The following SOX6 variants were observed in gnomAD, a reference collection of about 807,000 sequenced individuals.
SOX6 encodes SRY-box transcription factor 6.
SOX6 carries 11 observed loss-of-function variants against 97.8 expected under a neutral mutation model. That is an observed-to-expected ratio of 0.11 (90% CI 0.07 to 0.19). The LOEUF is 0.19. Ranked by LOEUF, SOX6 falls within the 10% of genes least tolerant of loss-of-function variation. SOX6 has a pLI of 1.00. For missense variants in SOX6, 810 were observed against 1,039.5 expected (o/e 0.78, Z 3.04); for synonymous variants, 360 against 371.4 (o/e 0.97, Z 0.35).
chr11:16,459,999 A>G (rs1423913436), intron 1 of SOX6, among the ~76,000 whole-genome samples: 1 of 152,018 alleles, frequency 6.6e-6, no homozygotes, highest in Non-Finnish European at 1.5e-5. Context: ...ACATTAAGAA[A>G]ACTACACCAA....
At chr11:16,257,292 C>A (rs188281988) in intron 3 of SOX6, among the ~76,000 whole-genome samples, 3 of 151,906 alleles carry the variant, frequency 2.0e-5, no homozygotes, top group East Asian at 3.9e-4. Context: ...AAAACTGACA[C>A]TATCCAACTT....
chr11:16,078,421 A>C (rs1398241492), intron 9 of SOX6, among the ~76,000 whole-genome samples: 1 of 152,226 alleles, frequency 6.6e-6, no homozygotes. Context: ...CAATGTGTAC[A>C]TATATTTTAG....
chr11:16,367,175 T>C (rs1319532718), intron 1 of SOX6, among the ~76,000 whole-genome samples: 1 of 152,160 alleles, frequency 6.6e-6, no homozygotes, highest in Non-Finnish European at 1.5e-5. Context: ...TCTATGTATG[T>C]TCTAATTTTG....
chr11:16,484,183 G>T (rs1210935308), intron 4 of SOX6: 4 of 792,566 alleles, frequency 5.0e-6, no homozygotes, highest in Admixed American at 3.4e-5. Context: ...CCTGGAAATG[G>T]TTGAAGTTGG....
At chr11:16,441,383 A>G (rs1180467375) in intron 1 of SOX6, among the ~76,000 whole-genome samples, 1 of 152,194 alleles carries the variant, frequency 6.6e-6, no homozygotes, top group Non-Finnish European at 1.5e-5. Context: ...CCAGACTAGA[A>G]GCAAGTATAT....
At chr11:16,066,789 A>G (rs765033093) in intron 9 of SOX6, among the ~76,000 whole-genome samples, 2 of 152,230 alleles carry the variant, frequency 1.3e-5, no homozygotes, top group Non-Finnish European at 2.9e-5. Flanking sequence ...AGGATGGTTC[A>G]TAGGTACAGA....
chr11:16,565,021 T>C (rs1008505397), intron 4 of SOX6, among the ~76,000 whole-genome samples: 1 of 151,906 alleles, frequency 6.6e-6, no homozygotes, highest in African/African-American at 2.4e-5. Flanking sequence ...AACAAAAAAT[T>C]GGTTCTTTGA....
At chr11:16,666,745 G>T (rs991762722) in intron 3 of SOX6, among the ~76,000 whole-genome samples, 1 of 151,968 alleles carries the variant, frequency 6.6e-6, no homozygotes, top group South Asian at 2.1e-4. Flanking sequence ...GCAGTGAACC[G>T]AGATCGTGCC....
intron 4 of SOX6, among the ~76,000 whole-genome samples, chr11:16,222,968 A>C (rs944811023): frequency 2.6e-5 from 4 of 152,148 alleles, no homozygotes; most frequent in Non-Finnish European, 4.4e-5. Context: ...AAAGTCCTAC[A>C]GTACGAATTA....
intron 8 of SOX6, 30 bp downstream of exon 8, chr11:16,097,579 T>C (rs1342181603): frequency 1.3e-6 from 2 of 1,598,084 alleles, no homozygotes; most frequent in Non-Finnish European, 1.7e-6. Flanking sequence ...TACTGGCTCA[T>C]ATCCCACATT....
chr11:16,024,920 A>C (rs1375384417), intron 12 of SOX6, among the ~76,000 whole-genome samples: 3 of 152,114 alleles, frequency 2.0e-5, no homozygotes, highest in Non-Finnish European at 4.4e-5. Context: ...ACCCCCGGCA[A>C]GGACAGCATC....
intron 9 of SOX6, among the ~76,000 whole-genome samples, chr11:16,056,520 G>GT (rs1847819955): frequency 6.6e-6 from 1 of 152,084 alleles, no homozygotes; most frequent in Non-Finnish European, 1.5e-5. Context: ...CAGTTTTGTT[G>GT]TTTTTTAAGT....
chr11:16,378,230 T>C (rs1208593336), intron 1 of SOX6, among the ~76,000 whole-genome samples: 1 of 152,170 alleles, frequency 6.6e-6, no homozygotes. Flanking sequence ...AAATGTGTCC[T>C]TAAAGTAAAA....
intron 12 of SOX6, among the ~76,000 whole-genome samples, chr11:16,029,526 C>T (rs1459183570): frequency 6.6e-6 from 1 of 151,922 alleles, no homozygotes; most frequent in Non-Finnish European, 1.5e-5. Context: ...ATCCGAGGCA[C>T]TCGGGAGGCT....
intron 1 of SOX6, among the ~76,000 whole-genome samples, chr11:16,372,359 T>C (rs1857512999): frequency 6.6e-6 from 1 of 152,094 alleles, no homozygotes; most frequent in South Asian, 2.1e-4. Flanking sequence ...ATGTATATTT[T>C]CTAGTAGAAA....
intron 3 of SOX6, among the ~76,000 whole-genome samples, chr11:16,693,635 A>G (rs1285486712): frequency 1.3e-5 from 2 of 152,126 alleles, no homozygotes; most frequent in African/African-American, 2.4e-5. Context: ...AGTAAACTAA[A>G]TGTTCTTTGT....
intron 5 of SOX6, 91 bp from the exon 6 acceptor site, chr11:16,184,045 T>C: frequency 1.8e-6 from 2 of 1,134,328 alleles, no homozygotes; most frequent in African/African-American, 3.1e-5. Flanking sequence ...CAACAATCTT[T>C]TACCGCACCT....
chr11:16,505,689 C>A (rs1860774044), intron 4 of SOX6, among the ~76,000 whole-genome samples: 1 of 152,154 alleles, frequency 6.6e-6, no homozygotes. Flanking sequence ...CACCTGGATG[C>A]CTAGAAGGGA....
At chr11:16,171,665 T>TA (rs1196228518) in intron 6 of SOX6, among the ~76,000 whole-genome samples, 3 of 151,924 alleles carry the variant, frequency 2.0e-5, no homozygotes, top group Non-Finnish European at 4.4e-5. Context: ...AGTTTATTTA[T>TA]AAAAAATGAC....
Sources: gnomAD v4.1 joint callset for allele counts (sites outside exome capture counted in the v4.1 genomes callset) on GRCh38, gnomAD v4.1.1 for gene constraint, MANE v1.5 for transcripts, NCBI Gene and HGNC (gene_info 2026-07-23, HGNC 2026-07-21) for gene names.